The following CACNA1C variants were observed in gnomAD, a reference collection of about 807,000 sequenced individuals.
The protein encoded by CACNA1C is calcium voltage-gated channel subunit alpha1 C, also known as voltage-dependent L-type calcium channel subunit alpha-1C.
Under a neutral mutation model 229.0 loss-of-function variants are expected in CACNA1C, and 30 were observed. The ratio of observed to expected loss-of-function variants is 0.13; its 90% CI spans 0.10 to 0.18. The LOEUF (loss-of-function observed/expected upper bound fraction) is 0.18, where lower values mean the gene tolerates loss of function less well. CACNA1C is among the 10% of genes least tolerant of loss of function. CACNA1C has a pLI of 1.00. For synonymous variants in CACNA1C, 1,114 were observed against 1,132.5 expected, an observed-to-expected ratio of 0.98 and a Z score of 0.33; for missense variants, 1,658 against 2,845.0, an observed-to-expected ratio of 0.58 and a Z score of 9.49.
At chr12:2,298,811 G>A (rs1347630260) in intron 3 of CACNA1C, among the ~76,000 whole-genome samples, 1 of 152,176 alleles carries the variant, frequency 6.6e-6, no homozygotes, top group Admixed American at 6.5e-5. Flanking sequence ...GACCACAGTG[G>A]ACCCATCGAG....
intron 39 of CACNA1C, chr12:2,676,730 TA>T (rs35552109): frequency 0.12 from 19,481 of 167,126 alleles, 566 homozygotes; most frequent in East Asian, 0.17. Context: ...TCAGTTCAGT[TA>T]AAAAAAAAAA....
chr12:2,011,996 G>A (rs190537622), intron 1 of CACNA1C, among the ~76,000 whole-genome samples: 17 of 152,258 alleles, frequency 1.1e-4, no homozygotes, highest in African/African-American at 4.1e-4. Flanking sequence ...TGCATTTGAA[G>A]AATTTTGTAA....
Position 1,972,152 on chromosome 12 carries a change from A to C in CACNA1C, c.139+951A>C, listed in dbSNP as rs1473619375. Among the ~76,000 whole-genome samples, 9 of 152,268 alleles carry C rather than the reference A, an allele frequency of 5.9e-5. No homozygotes were observed. In the South Asian group the frequency reaches 1.9e-3, roughly 32 times the overall value. On this transcript the variant is annotated intron_variant, in intron 1 of 46. Coordinates refer to the CACNA1C transcript ENST00000682462. ...CCTCTTTTTACTTGGAAAGCCACGGAAACGTGGTAGTGTGACATTACACAA... is the reference window on the plus strand; with the variant it reads ...CCTCTTTTTACTTGGAAAGCCACGGCAACGTGGTAGTGTGACATTACACAA...
chr12:2,566,606 T>C lies in CACNA1C; in HGVS notation c.1669+24T>C. 6.4e-7 allele frequency: 1 copy of C among 1,571,560 alleles called. No individual in the cohort carries two copies. The highest frequency in any genetic ancestry group is 1.2e-5 in the South Asian group (1 of 84,894). On this transcript the variant is annotated intron_variant, in intron 12 of 46. Coordinates refer to ENST00000399655, the MANE Select transcript of CACNA1C (RefSeq NM_000719.7). The surrounding 1 kb of genome is among the most constrained non-coding windows in gnomAD (Gnocchi z 4.0). ...AGGTGAGCGGCGGCCCCAGCTCTGCTCTGGTTTCCTCCTGGTAACTCAGCC... is the reference window on the plus strand; with the variant it reads ...AGGTGAGCGGCGGCCCCAGCTCTGCCCTGGTTTCCTCCTGGTAACTCAGCC...
intron 3 of CACNA1C, among the ~76,000 whole-genome samples, chr12:2,266,701 G>A (rs1464716571): frequency 6.6e-6 from 1 of 152,216 alleles, no homozygotes; most frequent in East Asian, 1.9e-4. Context: ...TTCAAGGAAT[G>A]TTATAAGGAT....
chr12:2,371,076 A>G (rs1269194408), intron 3 of CACNA1C, among the ~76,000 whole-genome samples: 6 of 152,220 alleles, frequency 3.9e-5, no homozygotes, highest in East Asian at 3.8e-4. Context: ...TTTAGGGGCA[A>G]TGGAATAGCT....
intron 3 of CACNA1C, among the ~76,000 whole-genome samples, chr12:2,169,472 A>G (rs1220736219): frequency 6.6e-6 from 1 of 152,214 alleles, no homozygotes; most frequent in Non-Finnish European, 1.5e-5. Flanking sequence ...GCCCAAGTCT[A>G]AGCACCTGCT....
chr12:2,530,615 G>A (rs2099838612), intron 9 of CACNA1C, among the ~76,000 whole-genome samples: 2 of 152,298 alleles, frequency 1.3e-5, no homozygotes, highest in Non-Finnish European at 1.5e-5. Flanking sequence ...CACAATCTCT[G>A]GCAGGGCCTT....
In CACNA1C at chr12:2,691,396, C is replaced by T; in HGVS notation, c.*197C>T. The T allele has an allele frequency of 5.8e-6, 3 of 516,438 alleles. No homozygotes were observed. The highest frequency in any genetic ancestry group is 4.2e-5 in the Admixed American group (1 of 23,738). The allele number at this position is 516,438 out of a possible 1,614,324, so 32.0% of individuals were successfully genotyped here. A position where few individuals can be genotyped will look rare whatever the true frequency, so the allele number is the denominator to read the frequency against. ...AGGCGCCCGGCTGCGTCTGCAGAGG[C>T]GGGGAGAGGAGGCGGCGAGGGTCCC... On this transcript the variant is annotated 3_prime_UTR_variant, in exon 47 of 47. Coordinates refer to ENST00000399655, the MANE Select transcript of CACNA1C (RefSeq NM_000719.7).
chr12:2,144,679 T>C (rs962944549), intron 3 of CACNA1C, among the ~76,000 whole-genome samples: 1 of 151,478 alleles, frequency 6.6e-6, no homozygotes, highest in Non-Finnish European at 1.5e-5. Flanking sequence ...CCCAAACTAA[T>C]GATCACTGTA....
intron 18 of CACNA1C, among the ~76,000 whole-genome samples, chr12:2,591,007 A>T (rs528879096): frequency 6.6e-6 from 1 of 152,320 alleles, no homozygotes; most frequent in East Asian, 1.9e-4. Flanking sequence ...GGGTGTCACA[A>T]GAACTCCAAC....
chr12:2,439,883 A>G (rs2099201597), intron 3 of CACNA1C, among the ~76,000 whole-genome samples: 1 of 152,110 alleles, frequency 6.6e-6, no homozygotes, highest in Non-Finnish European at 1.5e-5. Context: ...CTTTACAAGA[A>G]TGTCCTGAGT....
intron 3 of CACNA1C, among the ~76,000 whole-genome samples, chr12:2,231,890 A>G (rs1383576263): frequency 1.3e-5 from 2 of 152,208 alleles, no homozygotes; most frequent in Non-Finnish European, 2.9e-5. Context: ...AGCTGTGTCT[A>G]TAAACACACT....
chr12:2,517,413 C>T (rs760213092), intron 9 of CACNA1C, among the ~76,000 whole-genome samples: 3 of 152,202 alleles, frequency 2.0e-5, no homozygotes, highest in Non-Finnish European at 4.4e-5. Context: ...TTCCCTTCTA[C>T]AGCAATGCCA....
chr12:2,164,875 A>T (rs1450206660), intron 3 of CACNA1C, among the ~76,000 whole-genome samples: 4 of 152,212 alleles, frequency 2.6e-5, no homozygotes, highest in African/African-American at 4.8e-5. Context: ...GAGCTCACTC[A>T]ATGGTGGCAG....
Position 2,649,562 on chromosome 12 carries a change from C to T in CACNA1C, c.3945+1055C>T, listed in dbSNP as rs1226033884. On this transcript the variant is annotated intron_variant, in intron 31 of 46. Transcript: ENST00000399655. The surrounding 1 kb of genome is among the most constrained non-coding windows in gnomAD (Gnocchi z 4.4). The stretch of plus-strand genomic sequence containing the variant: ...GTTTATTAGAGCAAATTGGTGCATC[C>T]GAATGGCAGTGAGTTTATTCTCCTT... Among the ~76,000 whole-genome samples, 1 of 152,170 alleles carries T rather than the reference C, an allele frequency of 6.6e-6. No individual in the cohort carries two copies. The highest frequency in any genetic ancestry group is 2.4e-5 in the African/African-American group (1 of 41,428).
At chr12:2,496,778 T>G (rs1568034876) in intron 7 of CACNA1C, among the ~76,000 whole-genome samples, 1 of 152,174 alleles carries the variant, frequency 6.6e-6, no homozygotes, top group East Asian at 1.9e-4. Context: ...GTTTGAGGAG[T>G]GTGCAGATGA....
Position 2,115,433 on chromosome 12 carries a change from G to A in CACNA1C, c.259G>A (p.Gly87Arg). ...CACGCAGCGGAAGCGGCAGCAATATGGGAAACCCAAGAAGCAGGGCAGCAC... is the reference window on the plus strand; with the variant it reads ...CACGCAGCGGAAGCGGCAGCAATATAGGAAACCCAAGAAGCAGGGCAGCAC... Reference protein sequence around the residue: ...SSTQRKRQQYGKPKKQGSTTA... With the variant: ...SSTQRKRQQYRKPKKQGSTTA... Residue 87 changes from glycine (G) to arginine (R), a missense_variant, in exon 2 of 47, where the codon GGG becomes AGG. Around this residue, in one of 20 missense-constraint regions of CACNA1C, gnomAD observed 111 missense variants for 128.0 expected, o/e 0.87. Transcript: ENST00000399655. The A allele has an allele frequency of 1.9e-6, 3 of 1,613,024 alleles. No homozygotes were observed. Among genetic ancestry groups the A allele is most frequent in the Non-Finnish European group, 2.5e-6 (3 of 1,179,856 alleles).
intron 1 of CACNA1C, among the ~76,000 whole-genome samples, chr12:2,105,051 G>A (rs913430920): frequency 5.3e-5 from 8 of 152,304 alleles, no homozygotes; most frequent in South Asian, 2.1e-4. Context: ...TGTGGTCATC[G>A]CAGGTGGTTT....
Sources: gnomAD v4.1 joint callset for allele counts (sites outside exome capture counted in the v4.1 genomes callset) on GRCh38, gnomAD v4.1.1 for gene constraint, gnomAD v4.1.1 regional missense constraint, Gnocchi (gnomAD v3.1) non-coding constraint, MANE v1.5 for transcripts, NCBI Gene and HGNC (gene_info 2026-07-23, HGNC 2026-07-21) for gene names.